The following ANKRD16 variants were observed in gnomAD, a reference collection of about 807,000 sequenced individuals.
ANKRD16 encodes ankyrin repeat domain-containing protein 16.
A neutral mutation model predicts 37.9 loss-of-function variants in ANKRD16; 35 were observed. That is an observed-to-expected ratio of 0.92 (90% CI 0.71 to 1.23). The LOEUF (loss-of-function observed/expected upper bound fraction) is 1.23. ANKRD16 is among the 50% of genes most tolerant of loss of function. ANKRD16 has a pLI of 0.00. For missense variants in ANKRD16, 480 were observed against 469.9 expected, an observed-to-expected ratio of 1.02 and a Z score of -0.20; for synonymous variants, 206 against 197.2, an observed-to-expected ratio of 1.04 and a Z score of -0.37.
At chr10:5,888,351 G>A (rs527545262) in intron 1 of ANKRD16, among the ~76,000 whole-genome samples, 1 of 152,320 alleles carries the variant, frequency 6.6e-6, no homozygotes, top group African/African-American at 2.4e-5. Context: ...GCAGTGAATT[G>A]GAGCAGAGCT....
rs1271630595 is a variant in ANKRD16 at position 5,868,656 on chromosome 10, C to T, written c.*34-5965G>A. On this transcript the variant is annotated intron_variant, in intron 7 of 7. Coordinates refer to ENST00000380094, the MANE Select transcript of ANKRD16 (RefSeq NM_019046.3). The surrounding 1 kb of genome is among the most constrained non-coding windows in gnomAD (Gnocchi z 4.9). ...CCCCAGCCAGCAGCGGCAACCCACT[C>T]GGGTCCCCTTCCACGCTGTGGAAGC... Among the ~76,000 whole-genome samples, 17 of 152,160 alleles carry T rather than the reference C, an allele frequency of 1.1e-4. No individual in the cohort carries two copies. The highest frequency in any genetic ancestry group is 2.9e-4 in the African/African-American group (12 of 41,450).
Position 5,871,715 on chromosome 10 carries a change from C to A in ANKRD16, c.*33+6382G>T, listed in dbSNP as rs1261981943. Among the ~76,000 whole-genome samples the A allele has an allele frequency of 2.6e-5, 4 of 152,156 alleles. No homozygotes were observed. Among genetic ancestry groups the A allele is most frequent in the South Asian group, 2.1e-4 (1 of 4,826 alleles). On this transcript the variant is annotated intron_variant, in intron 7 of 7. Coordinates refer to ENST00000380094, the MANE Select transcript of ANKRD16 (RefSeq NM_019046.3). The surrounding 1 kb of genome is among the most constrained non-coding windows in gnomAD (Gnocchi z 4.5). ...AGGGCTTCTAAGCCTACTTCCCACA[C>A]CTTCCGAAGAGCCTTATCCCACAGA...
chr10:5,876,700 T>A (rs1046103533), intron 7 of ANKRD16, among the ~76,000 whole-genome samples: 1 of 152,256 alleles, frequency 6.6e-6, no homozygotes, highest in African/African-American at 2.4e-5. Flanking sequence ...ATTCTTGCTC[T>A]GTGCCAAACC....
chr10:5,885,031 A>C (rs1842394386), intron 3 of ANKRD16, among the ~76,000 whole-genome samples: 1 of 152,096 alleles, frequency 6.6e-6, no homozygotes, highest in South Asian at 2.1e-4. Flanking sequence ...TTCTGTAGGG[A>C]TCCTGCAAGT....
intron 7 of ANKRD16, among the ~76,000 whole-genome samples, chr10:5,875,414 T>C (rs1440245470): frequency 6.6e-6 from 1 of 151,986 alleles, no homozygotes; most frequent in African/African-American, 2.4e-5. Flanking sequence ...ATCAACAAAA[T>C]AAATAAATTA....
intron 4 of ANKRD16, 69 bp from the exon 5 acceptor site, chr10:5,883,236 C>A: frequency 6.6e-7 from 1 of 1,525,298 alleles, no homozygotes; most frequent in Non-Finnish European, 8.8e-7. Context: ...ATCTGGGCAT[C>A]TGCTGGCACT....
chr10:5,881,439 T>TATAA (rs1491499689), intron 5 of ANKRD16, among the ~76,000 whole-genome samples: 258 of 6,934 alleles, frequency 0.037, 25 homozygotes, highest in East Asian at 0.073. Flanking sequence ...AAATATTATT[T>TATAA]ATATATATAT....
chr10:5,876,700 T>C (rs1046103533), intron 7 of ANKRD16, among the ~76,000 whole-genome samples: 1 of 152,256 alleles, frequency 6.6e-6, no homozygotes, highest in Non-Finnish European at 1.5e-5. Context: ...ATTCTTGCTC[T>C]GTGCCAAACC....
chr10:5,876,424 G>A (rs1842186504), intron 7 of ANKRD16, among the ~76,000 whole-genome samples: 1 of 152,234 alleles, frequency 6.6e-6, no homozygotes, highest in Non-Finnish European at 1.5e-5. Flanking sequence ...GTGCTGAGGG[G>A]AAAGAGGGCA....
intron 5 of ANKRD16, 136 bp downstream of exon 5, chr10:5,882,870 T>C (rs1281919628): frequency 4.2e-6 from 4 of 960,086 alleles, no homozygotes; most frequent in African/African-American, 3.3e-5. Context: ...TTCAGAATCC[T>C]GACCATTTCA....
rs1252045583 is a variant in ANKRD16, at chr10:5,878,039, G to A, written c.*33+58C>T. The A allele has an allele frequency of 2.0e-6, 3 of 1,514,534 alleles. No homozygotes were observed. The highest frequency in any genetic ancestry group is 2.7e-6 in the Non-Finnish European group (3 of 1,120,904). 93.8% of individuals were successfully genotyped at this position (1,514,534 alleles called of 1,614,324 possible). On this transcript the variant is annotated intron_variant, in intron 7 of 7. Transcript: ENST00000380094. The surrounding 1 kb of genome is among the most constrained non-coding windows in gnomAD (Gnocchi z 5.1). Reference sequence around the variant, plus strand: ...GAGGAAGTGGAGGAGATGGAAAACTGGCTTCCAACTGGTTTCGCTGAATCT... The same window carrying A: ...GAGGAAGTGGAGGAGATGGAAAACTAGCTTCCAACTGGTTTCGCTGAATCT...
intron 7 of ANKRD16, among the ~76,000 whole-genome samples, chr10:5,872,041 C>G (rs771833501): frequency 1.3e-5 from 2 of 152,100 alleles, no homozygotes; most frequent in Non-Finnish European, 2.9e-5. Flanking sequence ...ACAGAGATTA[C>G]TCTGTCTACA....
At chr10:5,881,782 G>C (rs1422829667) in intron 5 of ANKRD16, among the ~76,000 whole-genome samples, 1 of 151,052 alleles carries the variant, frequency 6.6e-6, no homozygotes, top group African/African-American at 2.4e-5. Flanking sequence ...CCTCCTCCCA[G>C]GTTCACACCA....
rs879359950 is a variant in ANKRD16, at chr10:5,887,852, G to C, written c.530C>G (p.Thr177Ser). 1 of 1,612,958 alleles carries C rather than the reference G, an allele frequency of 6.2e-7. No individual in the cohort carries two copies. The highest frequency in any genetic ancestry group is 8.5e-7 in the Non-Finnish European group (1 of 1,179,788). ...TGCAGAGCTGTAGGCTGTACCTGCAGTATGCAGAGGAGTCCTTCTAATTTT... is the reference window on the plus strand; with the variant it reads ...TGCAGAGCTGTAGGCTGTACCTGCACTATGCAGAGGAGTCCTTCTAATTTT... Reference protein sequence around the residue: ...ESKIRRTPLHTAAMHGHLEAV... With the variant: ...ESKIRRTPLHSAAMHGHLEAV... The change falls in exon 2 of 8, where the codon ACT becomes AGT. Residue 177 changes from threonine (T) to serine (S), a missense_variant. Transcript: ENST00000380094.
chr10:5,877,415 T>C (rs1024371340), intron 7 of ANKRD16, among the ~76,000 whole-genome samples: 3 of 152,204 alleles, frequency 2.0e-5, no homozygotes, highest in African/African-American at 4.8e-5. Context: ...GCCCGGTCCT[T>C]AGTTACATTT....
chr10:5,882,969 C>T, intron 5 of ANKRD16, 37 bp downstream of exon 5: 1 of 1,602,288 alleles, frequency 6.2e-7, no homozygotes. Context: ...AGGCAAGCCT[C>T]AGGGAAGCTC....
At chr10:5,885,630 T>C in intron 3 of ANKRD16, 93 bp downstream of exon 3, 1 of 1,398,936 alleles carries the variant, frequency 7.1e-7, no homozygotes, top group Non-Finnish European at 9.8e-7. Context: ...AATTTTTTTC[T>C]TAAAAATGTG....
At position 5,874,072 on chromosome 10, in the gene ANKRD16, G is replaced by C. The variant is rs1842148901; in HGVS notation, c.*33+4025C>G. ...CGCCTGGCTAATTTTTGTATTTTTA[G>C]TAAAGACGGGATTTCACCATGTTGG... On this transcript the variant is annotated intron_variant, in intron 7 of 7. Transcript: ENST00000380094. This position sits in a 1 kb window ranked among gnomAD's most constrained non-coding sequence, Gnocchi z 4.7. Among the ~76,000 whole-genome samples, 1 of 152,032 alleles carries C rather than the reference G, an allele frequency of 6.6e-6. No homozygotes were observed. The highest frequency in any genetic ancestry group is 1.5e-5 in the Non-Finnish European group (1 of 68,000).
At chr10:5,875,450 G>A (rs1842168370) in intron 7 of ANKRD16, among the ~76,000 whole-genome samples, 1 of 152,130 alleles carries the variant, frequency 6.6e-6, no homozygotes, top group African/African-American at 2.4e-5. Flanking sequence ...AATAGCAAAT[G>A]CTAAGAAGAA....
Sources: gnomAD v4.1 joint callset for allele counts (sites outside exome capture counted in the v4.1 genomes callset) on GRCh38, gnomAD v4.1.1 for gene constraint, Gnocchi (gnomAD v3.1) non-coding constraint, MANE v1.5 for transcripts, NCBI Gene and HGNC (gene_info 2026-07-23, HGNC 2026-07-21) for gene names.